PTPN4: variants seen among roughly 807,000 people sequenced by gnomAD.
PTPN4 encodes protein tyrosine phosphatase non-receptor type 4.
Under a neutral mutation model 135.5 loss-of-function variants are expected in PTPN4, and 49 were observed. The observed-to-expected ratio is 0.36, with a 90% CI of 0.29 to 0.46. The LOEUF (loss-of-function observed/expected upper bound fraction) is 0.46, where lower values mean the gene tolerates loss of function less well. Ranked by LOEUF, PTPN4 falls within the 20% of genes least tolerant of loss-of-function variation. PTPN4 has a pLI of 1.00. For missense variants in PTPN4, 860 were observed against 1,101.0 expected, an observed-to-expected ratio of 0.78 and a Z score of 3.10; for synonymous variants, 333 against 369.9, an observed-to-expected ratio of 0.90 and a Z score of 1.14.
chr2:119,857,600 C>G (rs781569663), intron 2 of PTPN4, among the ~76,000 whole-genome samples: 2 of 151,436 alleles, frequency 1.3e-5, no homozygotes, highest in Non-Finnish European at 1.5e-5. Flanking sequence ...AAAACCTTAC[C>G]GAGGACTCCT....
At chr2:119,932,329 A>G (rs2292361) in intron 13 of PTPN4, 95 bp from the exon 14 acceptor site, 828,524 of 1,241,006 alleles carry the variant, frequency 0.67, 281,873 homozygotes, top group East Asian at 0.81. Context: ...TTGCTCATCT[A>G]GAACATAATC....
intron 9 of PTPN4, among the ~76,000 whole-genome samples, chr2:119,889,281 G>T (rs1051654028): frequency 6.6e-6 from 1 of 152,112 alleles, no homozygotes; most frequent in South Asian, 2.1e-4. Context: ...TTAGCCGGTC[G>T]TGGTGGTGGG....
chr2:119,878,976 C>A (rs966961797), intron 5 of PTPN4, among the ~76,000 whole-genome samples: 5 of 151,446 alleles, frequency 3.3e-5, no homozygotes, highest in Non-Finnish European at 7.4e-5. Context: ...GCCTGTAGTC[C>A]CAGCTACTGG....
intron 10 of PTPN4, among the ~76,000 whole-genome samples, chr2:119,912,885 T>G (rs919063295): frequency 1.3e-5 from 2 of 152,172 alleles, no homozygotes; most frequent in Non-Finnish European, 2.9e-5. Context: ...TTTTCTATGC[T>G]TTTTATTTGC....
intron 10 of PTPN4, among the ~76,000 whole-genome samples, chr2:119,914,460 G>A (rs962734670): frequency 1.3e-5 from 2 of 151,966 alleles, no homozygotes; most frequent in Non-Finnish European, 2.9e-5. Context: ...AGTGATTAAA[G>A]TGTGAGAAGT....
At chr2:119,845,151 AG>A (rs1677471480) in intron 2 of PTPN4, among the ~76,000 whole-genome samples, 1 of 147,052 alleles carries the variant, frequency 6.8e-6, no homozygotes, top group Admixed American at 6.7e-5. Flanking sequence ...CTGAGGCAGG[AG>A]AATCAGGCAG....
At chr2:119,776,842 C>A (rs761866638) in intron 1 of PTPN4, among the ~76,000 whole-genome samples, 3 of 152,106 alleles carry the variant, frequency 2.0e-5, no homozygotes, top group African/African-American at 7.2e-5. Context: ...GTAAGATTTC[C>A]GGTCAACAGT....
At chr2:119,900,160 A>G (rs1678382413) in intron 9 of PTPN4, among the ~76,000 whole-genome samples, 1 of 152,094 alleles carries the variant, frequency 6.6e-6, no homozygotes, top group East Asian at 1.9e-4. Flanking sequence ...GCACAATTCA[A>G]ATGTTATTCT....
intron 5 of PTPN4, among the ~76,000 whole-genome samples, chr2:119,880,904 C>CT: frequency 6.6e-6 from 1 of 152,142 alleles, no homozygotes; most frequent in Non-Finnish European, 1.5e-5. Flanking sequence ...TCATGGAGCT[C>CT]TTCAGTGACT....
intron 15 of PTPN4, among the ~76,000 whole-genome samples, chr2:119,943,006 G>C (rs903563712): frequency 6.6e-6 from 1 of 152,200 alleles, no homozygotes; most frequent in Non-Finnish European, 1.5e-5. Flanking sequence ...AGTCTTTGTA[G>C]ACTTGGCAGA....
intron 1 of PTPN4, among the ~76,000 whole-genome samples, chr2:119,776,313 C>G (rs1690835380): frequency 6.6e-6 from 1 of 152,226 alleles, no homozygotes; most frequent in East Asian, 1.9e-4. Context: ...GCAGCTGGGA[C>G]TACAGGCGCC....
At chr2:119,940,113 A>C (rs964220729) in intron 15 of PTPN4, among the ~76,000 whole-genome samples, 3 of 152,212 alleles carry the variant, frequency 2.0e-5, no homozygotes, top group Non-Finnish European at 4.4e-5. Flanking sequence ...GGTTGCTGGG[A>C]GGCTTATTCT....
intron 9 of PTPN4, among the ~76,000 whole-genome samples, chr2:119,889,313 G>A (rs543675044): frequency 1.3e-5 from 2 of 152,232 alleles, no homozygotes; most frequent in East Asian, 1.9e-4. Flanking sequence ...CCCACTACTC[G>A]GGAGGCTGAG....
At chr2:119,942,085 A>G (rs1679069379) in intron 15 of PTPN4, among the ~76,000 whole-genome samples, 1 of 152,252 alleles carries the variant, frequency 6.6e-6, no homozygotes, top group Admixed American at 6.5e-5. Flanking sequence ...TGAATGGTCC[A>G]AATGTATGTT....
At chr2:119,811,981 A>T (rs535220017) in intron 2 of PTPN4, among the ~76,000 whole-genome samples, 1 of 152,192 alleles carries the variant, frequency 6.6e-6, no homozygotes, top group African/African-American at 2.4e-5. Context: ...TAAGCTTACC[A>T]TTCTGTGGTG....
chr2:119,865,768 T>A (rs761134178), intron 3 of PTPN4, among the ~76,000 whole-genome samples: 1 of 152,120 alleles, frequency 6.6e-6, no homozygotes, highest in Non-Finnish European at 1.5e-5. Flanking sequence ...ATATATTATG[T>A]GTATATGTGT....
chr2:119,902,967 T>A (rs1271468054), intron 10 of PTPN4, among the ~76,000 whole-genome samples: 1 of 152,074 alleles, frequency 6.6e-6, no homozygotes, highest in Non-Finnish European at 1.5e-5. Context: ...TCAGAATACA[T>A]CCTGCAGTGA....
rs1190357548 is a variant in PTPN4, at chr2:119,844,923, G to A, written c.139-17613G>A. On this transcript the variant is annotated intron_variant, in intron 2 of 26. Transcript: ENST00000263708. ...AGGTGGCTGGGAGGTGTAGGTTGTA[G>A]TGAGCCGAGATCACGCCACTGCACT... Among the ~76,000 whole-genome samples, 306 of 151,278 alleles carry A rather than the reference G, an allele frequency of 2.0e-3. 1 individual carries two copies. Among genetic ancestry groups the A allele is most frequent in the African/African-American group, 7.1e-3 (290 of 41,010 alleles).
intron 9 of PTPN4, among the ~76,000 whole-genome samples, chr2:119,886,291 G>C (rs905454155): frequency 6.6e-6 from 1 of 152,050 alleles, no homozygotes; most frequent in African/African-American, 2.4e-5. Context: ...GCACTATTAC[G>C]AGTTTTTATT....
Sources: allele counts gnomAD v4.1 joint callset (sites outside exome capture counted in the v4.1 genomes callset), GRCh38; gene constraint gnomAD v4.1.1; transcripts MANE v1.5; gene names NCBI Gene and HGNC (gene_info 2026-07-23, HGNC 2026-07-21).